The following PRKG2 variants were observed in gnomAD, a reference collection of about 807,000 sequenced individuals.
PRKG2 encodes the protein protein kinase cGMP-dependent 2.
PRKG2 carries 33 observed loss-of-function variants against 97.2 expected under a neutral mutation model. The ratio of observed to expected loss-of-function variants is 0.34; its 90% CI spans 0.26 to 0.45. The LOEUF (loss-of-function observed/expected upper bound fraction) is 0.45, where lower values mean the gene tolerates loss of function less well. Ranked by LOEUF, PRKG2 falls within the 20% of genes least tolerant of loss-of-function variation. The pLI, the probability that PRKG2 is intolerant of heterozygous loss-of-function variation, is 1.00. For missense variants in PRKG2, 638 were observed against 900.0 expected, an observed-to-expected ratio of 0.71 and a Z score of 3.73; for synonymous variants, 330 against 321.8, an observed-to-expected ratio of 1.03 and a Z score of -0.27.
intron 15 of PRKG2, 108 bp from the exon 16 acceptor site, chr4:81,106,043 T>G (rs1056354689): frequency 7.7e-5 from 99 of 1,286,648 alleles, no homozygotes; most frequent in Non-Finnish European, 1.0e-4. Context: ...CTTTCATTTC[T>G]TCCTCTCTCT....
chr4:81,154,708 G>C (rs1183221028), intron 6 of PRKG2, among the ~76,000 whole-genome samples: 1 of 152,170 alleles, frequency 6.6e-6, no homozygotes, highest in East Asian at 1.9e-4. Flanking sequence ...AAAAAGCAGA[G>C]CGCCTCTCCT....
At chr4:81,141,900 G>A (rs1336434624) in intron 11 of PRKG2, among the ~76,000 whole-genome samples, 1 of 152,104 alleles carries the variant, frequency 6.6e-6, no homozygotes, top group African/African-American at 2.4e-5. Context: ...GCAAGGACTG[G>A]GTCTGAAGTG....
intron 2 of PRKG2, among the ~76,000 whole-genome samples, chr4:81,180,600 A>G (rs1485328241): frequency 6.6e-6 from 1 of 152,214 alleles, no homozygotes; most frequent in East Asian, 1.9e-4. Flanking sequence ...TATCCACTTA[A>G]TATGACAGTA....
chr4:81,124,119 G>A (rs574898226), intron 14 of PRKG2, among the ~76,000 whole-genome samples: 181 of 152,192 alleles, frequency 1.2e-3, no homozygotes, highest in African/African-American at 4.2e-3. Flanking sequence ...TTTGTATGTA[G>A]AAGTAAACAC....
intron 4 of PRKG2, among the ~76,000 whole-genome samples, chr4:81,170,626 CA>C (rs1750379549): frequency 6.6e-6 from 1 of 152,038 alleles, no homozygotes; most frequent in Admixed American, 6.6e-5. Flanking sequence ...GCAAGGCTAA[CA>C]CATATAAACT....
chr4:81,178,290 T>C (rs1751110612), intron 2 of PRKG2, among the ~76,000 whole-genome samples: 1 of 151,982 alleles, frequency 6.6e-6, no homozygotes, highest in African/African-American at 2.4e-5. Context: ...GTTCATAAAA[T>C]CTAGACACTC....
intron 4 of PRKG2, among the ~76,000 whole-genome samples, chr4:81,170,428 A>G (rs17005077): frequency 0.11 from 16,628 of 152,116 alleles, 1,108 homozygotes; most frequent in Middle Eastern, 0.21. Context: ...TGGTTGTACA[A>G]TTTTTTAAAA....
chr4:81,119,597 T>C (rs533193918), intron 14 of PRKG2, among the ~76,000 whole-genome samples: 37 of 152,288 alleles, frequency 2.4e-4, no homozygotes, highest in African/African-American at 8.9e-4. Context: ...CTGGGTCTCT[T>C]GCCTCCATAT....
At chr4:81,186,939 C>A (rs1298639843) in intron 2 of PRKG2, among the ~76,000 whole-genome samples, 1 of 152,038 alleles carries the variant, frequency 6.6e-6, no homozygotes, top group East Asian at 1.9e-4. Context: ...AAGTCAAATG[C>A]CTCAACAGAC....
At chr4:81,206,568 G>A (rs113217787) in intron 1 of PRKG2, among the ~76,000 whole-genome samples, 5,322 of 152,182 alleles carry the variant, frequency 0.035, 108 homozygotes, top group Middle Eastern at 0.12. Flanking sequence ...ATAGCAACAT[G>A]AGAACAGACT....
Position 81,089,178 on chromosome 4 carries a change from G to C in PRKG2, c.*530C>G, listed in dbSNP as rs1429396928. 1 of 152,190 alleles carries C rather than the reference G, an allele frequency of 6.6e-6. No homozygotes were observed. The highest frequency in any genetic ancestry group is 1.5e-5 in the Non-Finnish European group (1 of 68,104). The allele number at this position is 152,190 out of a possible 1,614,324, so 9.4% of individuals were successfully genotyped here. On this transcript the variant is annotated 3_prime_UTR_variant, in exon 19 of 19. Coordinates refer to ENST00000264399, the MANE Select transcript of PRKG2 (RefSeq NM_006259.3). ...CAGAGGCGTATTAATATATTTTCAG[G>C]TTAAAAGCAGGTGAAAGTCAGGAGG...
chr4:81,099,119 C>T (rs539011673), intron 17 of PRKG2, among the ~76,000 whole-genome samples: 161 of 152,180 alleles, frequency 1.1e-3, no homozygotes, highest in African/African-American at 3.8e-3. Flanking sequence ...ATGACTGGTG[C>T]CTAGTTTTAA....
At chr4:81,167,356 C>T in intron 5 of PRKG2, 132 bp from the exon 6 acceptor site, 1 of 539,208 alleles carries the variant, frequency 1.9e-6, no homozygotes, top group Non-Finnish European at 3.2e-6. Flanking sequence ...AGTAAATGTC[C>T]AAATAACTGA....
At chr4:81,105,588 A>C (rs1203950727) in intron 16 of PRKG2, among the ~76,000 whole-genome samples, 9 of 152,124 alleles carry the variant, frequency 5.9e-5, no homozygotes, top group Admixed American at 5.9e-4. Flanking sequence ...AAAAATTTAG[A>C]TCTTTTTTTA....
intron 5 of PRKG2, among the ~76,000 whole-genome samples, chr4:81,167,854 T>C (rs929247474): frequency 3.4e-5 from 5 of 148,524 alleles, no homozygotes; most frequent in African/African-American, 1.2e-4. Flanking sequence ...GCAGATACTC[T>C]CAAGGAGAAG....
upstream of PRKG2, among the ~76,000 whole-genome samples, chr4:81,217,031 G>GTATATATATGTA (rs1754298591): frequency 8.7e-6 from 1 of 115,296 alleles, no homozygotes; most frequent in African/African-American, 3.8e-5. Flanking sequence ...TATATATTTT[G>GTATATATATGTA]TATATATATA....
At chr4:81,205,097 T>C in intron 1 of PRKG2, 37 bp from the exon 2 acceptor site, 2 of 1,351,324 alleles carry the variant, frequency 1.5e-6, no homozygotes, top group Non-Finnish European at 2.0e-6. Context: ...TCAAGTGGAG[T>C]TTCACTTCCC....
intron 9 of PRKG2, among the ~76,000 whole-genome samples, chr4:81,146,931 T>TAA (rs139514927): frequency 0.04 from 6,114 of 152,252 alleles, 211 homozygotes; most frequent in Non-Finnish European, 0.057. Context: ...GTGTCAATAT[T>TAA]AAATATGCTG....
At chr4:81,171,631 A>G in intron 4 of PRKG2, 60 bp downstream of exon 4, 1 of 1,325,348 alleles carries the variant, frequency 7.5e-7, no homozygotes, top group Non-Finnish European at 1.0e-6. Context: ...ATGTGACTGG[A>G]CTAGATTATC....
Sources: gnomAD v4.1 joint callset for allele counts (sites outside exome capture counted in the v4.1 genomes callset) on GRCh38, gnomAD v4.1.1 for gene constraint, MANE v1.5 for transcripts, NCBI Gene and HGNC (gene_info 2026-07-23, HGNC 2026-07-21) for gene names.